C12orf60: variants seen among roughly 807,000 people sequenced by gnomAD.
C12orf60 encodes uncharacterized protein C12orf60.
For missense variants in C12orf60, 284 were observed against 283.2 expected (o/e 1.00, Z -0.02); for synonymous variants, 102 against 94.6 (o/e 1.08, Z -0.45).
chr12:14,820,856 G>A (rs1036704478), intron 1 of C12orf60, among the ~76,000 whole-genome samples: 6 of 151,872 alleles, frequency 4.0e-5, no homozygotes, highest in African/African-American at 1.4e-4. Flanking sequence ...TTTCTCAGCA[G>A]TATTTTACAG....
chr12:14,804,097 A>G (rs1950010796), intron 1 of C12orf60, among the ~76,000 whole-genome samples: 1 of 152,206 alleles, frequency 6.6e-6, no homozygotes, highest in Admixed American at 6.5e-5. Context: ...ATTTGTTAGT[A>G]GTGTTTTGAA....
In C12orf60 at chr12:14,823,137, A is replaced by T. The variant is rs746385907; in HGVS notation, c.202A>T (p.Lys68Ter). The T allele has an allele frequency of 8.7e-6, 14 of 1,614,160 alleles. No individual in the cohort carries two copies. The highest frequency in any genetic ancestry group is 1.1e-5 in the Non-Finnish European group (13 of 1,180,012). Residue 68 changes from lysine (K) to a stop codon, truncating the protein, a stop_gained, in exon 2 of 2, where the codon AAG becomes TAG. Coordinates refer to ENST00000330828, the MANE Select transcript of C12orf60 (RefSeq NM_175874.4). LOFTEE classifies it low-confidence loss of function (END_TRUNC). ...DFFEQMLKIFKEMQSVVDARH... is the reference protein window; with the variant it reads ...DFFEQMLKIF Reference sequence around the variant, plus strand: ...TTTTGAGCAAATGCTCAAAATTTTTAAGGAGATGCAATCTGTAGTGGATGC... The same window carrying T: ...TTTTGAGCAAATGCTCAAAATTTTTTAGGAGATGCAATCTGTAGTGGATGC...
Position 14,823,595 on chromosome 12 carries a change from A to G in C12orf60, c.660A>G (p.Pro220=), listed in dbSNP as rs1200461526. ...LLEQIVKAMG[P]ILEILQKAIK... is the part of the protein sequence containing the mutation. Reference sequence around the variant, plus strand: ...AACAAATTGTCAAGGCTATGGGACCAATCTTAGAGATCCTCCAAAAAGCGA... The same window carrying G: ...AACAAATTGTCAAGGCTATGGGACCGATCTTAGAGATCCTCCAAAAAGCGA... Residue 220 remains proline, a synonymous_variant, in exon 2 of 2, where the codon CCA becomes CCG. Transcript: ENST00000330828. The G allele has an allele frequency of 5.0e-6, 8 of 1,609,284 alleles. No homozygotes were observed. Among genetic ancestry groups the G allele is most frequent in the Non-Finnish European group, 6.8e-6 (8 of 1,178,824 alleles).
chr12:14,814,887 T>C (rs974757956), intron 1 of C12orf60, among the ~76,000 whole-genome samples: 5 of 152,180 alleles, frequency 3.3e-5, no homozygotes, highest in Admixed American at 1.3e-4. Flanking sequence ...GGCTTTACAC[T>C]CAGACAGTCC....
chr12:14,820,927 AATG>A (rs1217288190), intron 1 of C12orf60, among the ~76,000 whole-genome samples: 4 of 152,074 alleles, frequency 2.6e-5, no homozygotes, highest in African/African-American at 9.7e-5. Flanking sequence ...TCATATTTTT[AATG>A]ATATTGTAAA....
intron 1 of C12orf60, among the ~76,000 whole-genome samples, chr12:14,808,023 G>A (rs1950080030): frequency 6.6e-6 from 1 of 152,112 alleles, no homozygotes; most frequent in African/African-American, 2.4e-5. Flanking sequence ...AAAATTAGTT[G>A]GGTGTGGTGG....
In C12orf60 at chr12:14,823,064, T is replaced by G; in HGVS notation, c.129T>G (p.Thr43=). 6.2e-7 allele frequency: 1 copy of G among 1,614,192 alleles called. No homozygotes were observed. The highest frequency in any genetic ancestry group is 8.5e-7 in the Non-Finnish European group (1 of 1,180,006). ...LTELFSRSMN[T]QILLMAVKNN... Reference sequence around the variant, plus strand: ...AATTGTTTAGCCGCAGTATGAATACTCAAATCCTTTTGATGGCTGTGAAAA... The same window carrying G: ...AATTGTTTAGCCGCAGTATGAATACGCAAATCCTTTTGATGGCTGTGAAAA... The change falls in exon 2 of 2, where the codon ACT becomes ACG. Residue 43 remains threonine (T), a synonymous_variant. Coordinates refer to ENST00000330828, the MANE Select transcript of C12orf60 (RefSeq NM_175874.4).
intron 1 of C12orf60, among the ~76,000 whole-genome samples, chr12:14,818,462 A>G (rs559858893): frequency 6.6e-6 from 1 of 152,316 alleles, no homozygotes; most frequent in East Asian, 1.9e-4. Context: ...TTTCTATGTT[A>G]AATTGCCTTT....
chr12:14,822,158 TA>T (rs1368309205), intron 1 of C12orf60, among the ~76,000 whole-genome samples: 1 of 145,858 alleles, frequency 6.9e-6, no homozygotes, highest in Non-Finnish European at 1.5e-5. Flanking sequence ...TGTTGGCAAC[TA>T]GATCAAAAGG....
Position 14,823,226 on chromosome 12 carries a change from G to C in C12orf60, c.291G>C (p.Val97=), listed in dbSNP as rs534367604. The change falls in exon 2 of 2, where the codon GTG becomes GTC. Residue 97 remains valine, a synonymous_variant. Coordinates refer to ENST00000330828, the MANE Select transcript of C12orf60 (RefSeq NM_175874.4). ...CSKVAMAMCS[V]VQKSTNVEEL... is the part of the protein sequence containing the mutation. ...AGGTTGCAATGGCCATGTGCTCTGT[G>C]GTTCAGAAGAGTACCAATGTAGAGG... 15 of 1,614,074 alleles carry C rather than the reference G, an allele frequency of 9.3e-6. No individual in the cohort carries two copies. In the African/African-American group the frequency reaches 2.0e-4, roughly 22 times the overall value.
At chr12:14,812,305 G>A (rs1035302068) in intron 1 of C12orf60, among the ~76,000 whole-genome samples, 5 of 152,178 alleles carry the variant, frequency 3.3e-5, no homozygotes, top group Admixed American at 1.3e-4. Flanking sequence ...TTAGCCGGGC[G>A]CGGTGGCGGG....
rs577921121 is a variant in C12orf60, at chr12:14,821,989, T to C, written c.-24-923T>C. On this transcript the variant is annotated intron_variant, in intron 1 of 1. Transcript: ENST00000330828. ...AAGGACTGGCTGACCTCTGCTGTAC[T>C]TGTGAGGTGTGTGTGGGGGTGGGGT... 2.2e-3 allele frequency among the ~76,000 whole-genome samples: 315 copies of C among 140,076 alleles called. 1 individual carries two copies. The highest frequency in any genetic ancestry group is 8.2e-3 in the African/African-American group (304 of 37,126). 91.9% of individuals were successfully genotyped at this position (140,076 alleles called of 152,430 possible). A position where few individuals can be genotyped will look rare whatever the true frequency, so the allele number is the denominator to read the frequency against.
rs1289113635 is a variant in C12orf60, at chr12:14,803,729, T to C, written c.-47T>C. 5.3e-6 allele frequency: 2 copies of C among 374,206 alleles called. No individual in the cohort carries two copies. The highest frequency in any genetic ancestry group is 4.2e-5 in the African/African-American group (2 of 48,172). 23.2% of individuals were successfully genotyped at this position (374,206 alleles called of 1,614,324 possible). A position where few individuals can be genotyped will look rare whatever the true frequency, so the allele number is the denominator to read the frequency against. On this transcript the variant is annotated 5_prime_UTR_variant, in exon 1 of 2. Transcript: ENST00000330828. Reference sequence around the variant, plus strand: ...TCCTGTCTCTCGAGTTGGAGGCATCTTGACTTAGTTGCTGGGAGCCTGGTA... The same window carrying C: ...TCCTGTCTCTCGAGTTGGAGGCATCCTGACTTAGTTGCTGGGAGCCTGGTA...
chr12:14,810,164 TG>T (rs1436357250), intron 1 of C12orf60, among the ~76,000 whole-genome samples: 1 of 152,116 alleles, frequency 6.6e-6, no homozygotes. Context: ...CTTTTTTCCT[TG>T]GGTGGGGAGT....
At chr12:14,811,834 A>G (rs1950144353) in intron 1 of C12orf60, among the ~76,000 whole-genome samples, 1 of 152,230 alleles carries the variant, frequency 6.6e-6, no homozygotes, top group Admixed American at 6.5e-5. Flanking sequence ...GAACTTAGAA[A>G]TTAATATCAA....
At chr12:14,810,608 G>A (rs570496192) in intron 1 of C12orf60, among the ~76,000 whole-genome samples, 1 of 152,208 alleles carries the variant, frequency 6.6e-6, no homozygotes, top group South Asian at 2.1e-4. Context: ...GGTACACTTG[G>A]TATTTGACTT....
At chr12:14,804,084 A>C (rs1461848699) in intron 1 of C12orf60, among the ~76,000 whole-genome samples, 1 of 152,200 alleles carries the variant, frequency 6.6e-6, no homozygotes, top group East Asian at 1.9e-4. Context: ...GCGGTGATTT[A>C]TTATTTGTTA....
intron 1 of C12orf60, among the ~76,000 whole-genome samples, chr12:14,815,705 A>T (rs569010267): frequency 3.9e-5 from 6 of 152,212 alleles, no homozygotes; most frequent in Non-Finnish European, 8.8e-5. Flanking sequence ...TACCAACCCC[A>T]TTGCCTACAG....
rs1410409409 is a variant in C12orf60, at chr12:14,823,046, T to C, written c.111T>C (p.Phe37=). 5.0e-6 allele frequency: 8 copies of C among 1,613,984 alleles called. No homozygotes were observed. The South Asian group carries it at 8.8e-5, about 18-fold the overall frequency. ...ASVINTLTEL[F]SRSMNTQILL... ...TCATAAACACACTGACTGAATTGTT[T>C]AGCCGCAGTATGAATACTCAAATCC... The change falls in exon 2 of 2, where the codon TTT becomes TTC. Residue 37 remains phenylalanine, a synonymous_variant. Transcript: ENST00000330828.
Sources: gnomAD v4.1 joint callset for allele counts (sites outside exome capture counted in the v4.1 genomes callset) on GRCh38, gnomAD v4.1.1 for gene constraint, MANE v1.5 for transcripts, NCBI Gene and HGNC (gene_info 2026-07-23, HGNC 2026-07-21) for gene names.